Variants in NKAIN3 observed in about 807,000 individuals in gnomAD.
NKAIN3 encodes sodium/potassium-transporting ATPase subunit beta-1-interacting protein 3.
NKAIN3 carries 25 observed loss-of-function variants against 30.2 expected under a neutral mutation model. The ratio of observed to expected loss-of-function variants is 0.83; its 90% CI spans 0.60 to 1.16. The LOEUF (loss-of-function observed/expected upper bound fraction) is 1.16. Among genes scored for constraint, NKAIN3 ranks in the 50% most tolerant of loss-of-function variants. NKAIN3 has a pLI of 0.00. For missense variants in NKAIN3, 225 were observed against 254.1 expected (o/e 0.89, Z 0.78); for synonymous variants, 91 against 89.6 (o/e 1.02, Z -0.09).
intron 1 of NKAIN3, among the ~76,000 whole-genome samples, chr8:62,508,130 C>T (rs1807700094): frequency 6.6e-6 from 1 of 152,064 alleles, no homozygotes. Context: ...GTGTGCCGGG[C>T]TGTGGAGAAA....
intron 4 of NKAIN3, among the ~76,000 whole-genome samples, chr8:62,895,080 A>G (rs551662245): frequency 3.9e-4 from 59 of 152,342 alleles, no homozygotes; most frequent in African/African-American, 1.4e-3. Flanking sequence ...TCCCAAATAC[A>G]GGGGTTCTGT....
chr8:62,407,383 T>C (rs1032577307), intron 1 of NKAIN3, among the ~76,000 whole-genome samples: 2 of 149,138 alleles, frequency 1.3e-5, no homozygotes, highest in African/African-American at 2.5e-5. Context: ...ATTTATTATC[T>C]GACAAGACTA....
intron 4 of NKAIN3, among the ~76,000 whole-genome samples, chr8:62,876,434 A>G (rs2130807689): frequency 6.6e-6 from 1 of 152,318 alleles, no homozygotes; most frequent in East Asian, 1.9e-4. Context: ...AATCAGAAAT[A>G]CCATTTGACC....
At position 62,317,748 on chromosome 8, in the gene NKAIN3, T is replaced by C. The variant is rs923157465; in HGVS notation, c.54+68621T>C. On this transcript the variant is annotated intron_variant, in intron 1 of 6. Coordinates refer to ENST00000623646, the MANE Select transcript of NKAIN3 (RefSeq NM_001304533.3). ...TTTGTTCTTTTGGCTTAGGATTGAC[T>C]TGGCAATGTGGACTCTTTTTTGGTT... 7.2e-5 allele frequency among the ~76,000 whole-genome samples: 11 copies of C among 152,360 alleles called. No individual in the cohort carries two copies. The East Asian group carries it at 1.9e-3, about 27-fold the overall frequency.
intron 5 of NKAIN3, among the ~76,000 whole-genome samples, chr8:62,919,227 A>AT (rs71255371): frequency 0.026 from 1,245 of 47,152 alleles, 107 homozygotes; most frequent in Middle Eastern, 0.091. Context: ...TACTTTCAAA[A>AT]TTTTTTTTTT....
chr8:62,493,885 A>G (rs1807151537), intron 1 of NKAIN3, among the ~76,000 whole-genome samples: 1 of 152,172 alleles, frequency 6.6e-6, no homozygotes, highest in Non-Finnish European at 1.5e-5. Context: ...GTATCCTGAC[A>G]CTTTGCTGAA....
intron 3 of NKAIN3, among the ~76,000 whole-genome samples, chr8:62,689,908 A>G (rs1813910862): frequency 1.3e-5 from 2 of 151,898 alleles, no homozygotes; most frequent in South Asian, 4.2e-4. Flanking sequence ...GTACCAAGGG[A>G]AGTTCACTGG....
chr8:62,642,545 C>A (rs1052521675), intron 3 of NKAIN3, among the ~76,000 whole-genome samples: 4 of 152,018 alleles, frequency 2.6e-5, no homozygotes, highest in African/African-American at 4.8e-5. Flanking sequence ...TCTCTTGGTA[C>A]AATGCTAAAC....
intron 4 of NKAIN3, among the ~76,000 whole-genome samples, chr8:62,899,760 A>G (rs1056855875): frequency 1.3e-5 from 2 of 152,216 alleles, no homozygotes; most frequent in Non-Finnish European, 2.9e-5. Flanking sequence ...TGTTTGTAAC[A>G]CAAAGGATAA....
downstream of NKAIN3, among the ~76,000 whole-genome samples, chr8:62,988,142 G>A (rs1824241836): frequency 6.6e-6 from 1 of 152,152 alleles, no homozygotes; most frequent in Non-Finnish European, 1.5e-5. Flanking sequence ...CACAGCCTTG[G>A]GCAGCTCCAC....
chr8:62,620,556 C>T (rs1213875980), intron 3 of NKAIN3, among the ~76,000 whole-genome samples: 1 of 152,074 alleles, frequency 6.6e-6, no homozygotes, highest in East Asian at 1.9e-4. Context: ...AGACCCAGAC[C>T]TCCCCAAAAG....
intron 4 of NKAIN3, among the ~76,000 whole-genome samples, chr8:62,852,350 T>C (rs1819935228): frequency 6.6e-6 from 1 of 152,186 alleles, no homozygotes; most frequent in South Asian, 2.1e-4. Context: ...TCTCTTTTCT[T>C]CTTTATTAGT....
At chr8:62,945,388 A>T (rs950039419) in intron 5 of NKAIN3, among the ~76,000 whole-genome samples, 1 of 152,220 alleles carries the variant, frequency 6.6e-6, no homozygotes, top group African/African-American at 2.4e-5. Flanking sequence ...AAAGATTGAA[A>T]GCCAGCTACC....
intron 1 of NKAIN3, among the ~76,000 whole-genome samples, chr8:62,524,030 G>C (rs1808229704): frequency 6.6e-6 from 1 of 151,974 alleles, no homozygotes; most frequent in Non-Finnish European, 1.5e-5. Context: ...GGATGATGAT[G>C]ATCTAGTCTT....
chr8:62,590,469 A>G (rs959729950), intron 3 of NKAIN3, among the ~76,000 whole-genome samples: 1 of 151,862 alleles, frequency 6.6e-6, no homozygotes, highest in Non-Finnish European at 1.5e-5. Context: ...TTAAGTTTCT[A>G]GTTGTGTTTC....
intron 3 of NKAIN3, among the ~76,000 whole-genome samples, chr8:62,712,951 C>G (rs1372483415): frequency 6.6e-6 from 1 of 152,172 alleles, no homozygotes; most frequent in Non-Finnish European, 1.5e-5. Flanking sequence ...TAAACTGACT[C>G]GGCTCCAAGT....
chr8:62,622,524 C>G (rs918477187), intron 3 of NKAIN3, among the ~76,000 whole-genome samples: 3 of 151,924 alleles, frequency 2.0e-5, no homozygotes, highest in African/African-American at 7.2e-5. Flanking sequence ...ATTCGCATTT[C>G]CTTAATGGCT....
intron 1 of NKAIN3, among the ~76,000 whole-genome samples, chr8:62,431,941 T>C (rs1044811889): frequency 4.5e-5 from 6 of 133,740 alleles, no homozygotes; most frequent in Non-Finnish European, 6.5e-5. Context: ...TTAGCCCATG[T>C]CATAAGCCTT....
chr8:62,738,430 T>C (rs920276874), intron 3 of NKAIN3, among the ~76,000 whole-genome samples: 1 of 152,026 alleles, frequency 6.6e-6, no homozygotes, highest in Non-Finnish European at 1.5e-5. Flanking sequence ...TGAAACCCTG[T>C]CTCTACTAAA....
Sources: gnomAD v4.1 joint callset for allele counts (sites outside exome capture counted in the v4.1 genomes callset) on GRCh38, gnomAD v4.1.1 for gene constraint, MANE v1.5 for transcripts, NCBI Gene and HGNC (gene_info 2026-07-23, HGNC 2026-07-21) for gene names.